Variants in CAMKK2 observed in about 807,000 individuals in gnomAD.
The protein encoded by CAMKK2 is calcium/calmodulin-dependent protein kinase kinase 2.
In CAMKK2, 30 loss-of-function variants were observed where a neutral mutation model predicts 67.2. The observed-to-expected ratio is 0.45, with a 90% CI of 0.33 to 0.61. The LOEUF (loss-of-function observed/expected upper bound fraction) is 0.61. CAMKK2 is among the 20% of genes least tolerant of loss of function. The pLI, the probability that CAMKK2 is intolerant of heterozygous loss-of-function variation, is 0.02. For missense variants in CAMKK2, 643 were observed against 802.0 expected (o/e 0.80, Z 2.39); for synonymous variants, 322 against 326.2 (o/e 0.99, Z 0.14).
chr12:121,292,608 A>G (rs1566153003), intron 1 of CAMKK2, among the ~76,000 whole-genome samples: 1 of 152,180 alleles, frequency 6.6e-6, no homozygotes, highest in Non-Finnish European at 1.5e-5. Flanking sequence ...GCCGGCCTGA[A>G]CCCCATATCC....
In CAMKK2 at chr12:121,293,013, C is replaced by T. The variant is rs528151168; in HGVS notation, c.-60+3625G>A. 4.0e-5 allele frequency among the ~76,000 whole-genome samples: 6 copies of T among 149,538 alleles called. No homozygotes were observed. The East Asian group carries it at 6.0e-4, about 15-fold the overall frequency. ...AAAAAAAGCTGGGCGCCGTGGCTCA[C>T]GCCTGTAATCCCAGCACTTTGGGAG... is the stretch of plus-strand genomic sequence containing the variant. On this transcript the variant is annotated intron_variant, in intron 1 of 16. Coordinates refer to ENST00000404169, the MANE Select transcript of CAMKK2 (RefSeq NM_001270485.2).
intron 9 of CAMKK2, among the ~76,000 whole-genome samples, chr12:121,255,304 TTATATATAATTTTA>T (rs1891881032): frequency 6.7e-4 from 4 of 5,996 alleles, no homozygotes; most frequent in African/African-American, 1.9e-3. Flanking sequence ...ATATATAATT[TTATATATAATTTTA>T]TATATATATA....
intron 1 of CAMKK2, among the ~76,000 whole-genome samples, chr12:121,295,056 G>A (rs1900863949): frequency 6.6e-6 from 1 of 152,136 alleles, no homozygotes; most frequent in African/African-American, 2.4e-5. Flanking sequence ...TGTAATCCCA[G>A]CTACTGGAGA....
Position 121,255,280 on chromosome 12 carries a change from A to ATATATATAATTTTATATATATATAATTT in CAMKK2, c.907+269_907+270insAAATTATATATATATAAAATTATATATA, listed in dbSNP as rs1566058774. Among the ~76,000 whole-genome samples the ATATATATAATTTTATATATATATAATTT allele has an allele frequency of 2.7e-4, 16 of 58,972 alleles. 2 individuals carry two copies. Among genetic ancestry groups the ATATATATAATTTTATATATATATAATTT allele is most frequent in the African/African-American group, 1.5e-3 (16 of 10,704 alleles). 38.7% of individuals were successfully genotyped at this position (58,972 alleles called of 152,430 possible). A position where few individuals can be genotyped will look rare whatever the true frequency, so the allele number is the denominator to read the frequency against. ...TATATAATTTTATATATATATAATTATATATATAATTATATATATAATTTT... is the reference window on the plus strand; with the variant it reads ...TATATAATTTTATATATATATAATTATATATATAATTTTATATATATATAATTTTATATATAATTATATATATAATTTT... On this transcript the variant is annotated intron_variant, in intron 9 of 16. Transcript: ENST00000404169.
At chr12:121,264,379 G>A (rs1283208835) in intron 5 of CAMKK2, among the ~76,000 whole-genome samples, 1 of 152,242 alleles carries the variant, frequency 6.6e-6, no homozygotes, top group African/African-American at 2.4e-5. Flanking sequence ...GCTCATGCCT[G>A]TGATCCCAGC....
In CAMKK2 at chr12:121,245,908, T is replaced by C. The variant is rs1045157440; in HGVS notation, c.1453-668A>G. Among the ~76,000 whole-genome samples the C allele has an allele frequency of 3.9e-5, 6 of 152,318 alleles. No homozygotes were observed. Among genetic ancestry groups the C allele is most frequent in the Admixed American group, 1.3e-4 (2 of 15,302 alleles). ...AACTCAAAGCGGTCTGTCTGTGCAA[T>C]GGAACATGATTCAGCCATAAGGAGT... On this transcript the variant is annotated intron_variant, in intron 14 of 16. Coordinates refer to ENST00000404169, the MANE Select transcript of CAMKK2 (RefSeq NM_001270485.2). This position sits in a 1 kb window ranked among gnomAD's most constrained non-coding sequence, Gnocchi z 5.8.
At position 121,255,268 on chromosome 12, in the gene CAMKK2, A is replaced by ATATATAAT. The variant is rs1891784347; in HGVS notation, c.907+281_907+282insATTATATA. On this transcript the variant is annotated intron_variant, in intron 9 of 16. Transcript: ENST00000404169. ...TATATAATTATATATATAATTTTAT[A>ATATATAAT]TATATATAATTATATATATAATTAT... Among the ~76,000 whole-genome samples the ATATATAAT allele has an allele frequency of 2.6e-4, 18 of 70,560 alleles. 2 individuals are homozygous for ATATATAAT. The highest frequency in any genetic ancestry group is 1.2e-3 in the African/African-American group (18 of 15,540). The allele number at this position is 70,560 out of a possible 152,430, so 46.3% of individuals were successfully genotyped here. A position where few individuals can be genotyped will look rare whatever the true frequency, so the allele number is the denominator to read the frequency against.
Position 121,241,195 on chromosome 12 carries a change from C to T in CAMKK2, c.1597-326G>A, listed in dbSNP as rs772917363. Among the ~76,000 whole-genome samples the T allele has an allele frequency of 6.6e-5, 10 of 152,314 alleles. No homozygotes were observed. In the East Asian group the frequency reaches 1.5e-3, roughly 24 times the overall value. ...CAAGTAGAAGGCACCCCCCACCCCA[C>T]GGCGCCTGTCATACCAGGTTTTTAG... On this transcript the variant is annotated intron_variant, in intron 16 of 16. Coordinates refer to ENST00000404169, the MANE Select transcript of CAMKK2 (RefSeq NM_001270485.2).
chr12:121,246,404 G>A (rs995534825), intron 14 of CAMKK2, among the ~76,000 whole-genome samples: 1 of 151,850 alleles, frequency 6.6e-6, no homozygotes, highest in African/African-American at 2.4e-5. Context: ...AAATTAGCTG[G>A]GCATGGTGGT....
chr12:121,269,582 C>A lies in CAMKK2; in HGVS notation c.520-1G>T. 1 of 1,605,600 alleles carries A rather than the reference C, an allele frequency of 6.2e-7. No homozygotes were observed. ...CCAACTTGACGACACCATAGGAGCCCTGGATAAAGGGAGATGCCCATGACA... is the reference window on the plus strand; with the variant it reads ...CCAACTTGACGACACCATAGGAGCCATGGATAAAGGGAGATGCCCATGACA... On this transcript the variant is annotated splice_acceptor_variant, in intron 3 of 16. Coordinates refer to ENST00000404169, the MANE Select transcript of CAMKK2 (RefSeq NM_001270485.2). LOFTEE classifies it high-confidence loss of function.
In CAMKK2 at chr12:121,274,275, G is replaced by T; in HGVS notation, c.252C>A (p.Asp84Glu). The T allele has an allele frequency of 6.2e-7, 1 of 1,612,288 alleles. No homozygotes were observed. Residue 84 changes from aspartate (D) to glutamate (E), a missense_variant, in exon 2 of 17, where the codon GAC (aspartate) becomes GAA (glutamate). By Grantham distance (45) the Asp-to-Glu change is conservative. Coordinates refer to ENST00000404169, the MANE Select transcript of CAMKK2 (RefSeq NM_001270485.2). The stretch of plus-strand genomic sequence containing the variant: ...GGGGCCGGGCCTGGGACCCGGAGGT[G>T]TCAAGGGGGACCTCTTGGCCATCGG... Reference protein sequence around the residue: ...LEADGQEVPLDTSGSQARPHL... With the variant: ...LEADGQEVPLETSGSQARPHL...
chr12:121,288,364 C>G (rs906838204), intron 1 of CAMKK2, among the ~76,000 whole-genome samples: 3 of 152,192 alleles, frequency 2.0e-5, no homozygotes, highest in African/African-American at 7.2e-5. Context: ...CATGCTAAAT[C>G]TAGCTGCAAG....
chr12:121,262,798 G>A (rs985144904), intron 6 of CAMKK2, among the ~76,000 whole-genome samples: 5 of 152,076 alleles, frequency 3.3e-5, no homozygotes, highest in African/African-American at 1.2e-4. Flanking sequence ...GTCCTCAGGT[G>A]ATCCTCCCAC....
intron 7 of CAMKK2, among the ~76,000 whole-genome samples, chr12:121,256,897 T>G (rs1892399713): frequency 6.6e-6 from 1 of 152,182 alleles, no homozygotes; most frequent in Non-Finnish European, 1.5e-5. Flanking sequence ...TGTGTGGATA[T>G]CTGTTTTTGG....
chr12:121,244,489 T>C (rs1889014155), intron 16 of CAMKK2, 84 bp downstream of exon 16: 3 of 1,298,322 alleles, frequency 2.3e-6, no homozygotes, highest in East Asian at 2.5e-5. Flanking sequence ...TCTGCCCGGG[T>C]GGGGATGCCC....
chr12:121,271,135 C>T (rs1196339866), intron 2 of CAMKK2, among the ~76,000 whole-genome samples, 190 bp from the exon 3 acceptor site: 1 of 151,736 alleles, frequency 6.6e-6, no homozygotes, highest in East Asian at 1.9e-4. Context: ...ATTAGCCAGG[C>T]GTGGTGGTGG....
chr12:121,246,659 T>C (rs1889535957), intron 14 of CAMKK2, among the ~76,000 whole-genome samples: 1 of 152,086 alleles, frequency 6.6e-6, no homozygotes, highest in Non-Finnish European at 1.5e-5. Flanking sequence ...ACTCCCCAGG[T>C]GAGCCCACCC....
At chr12:121,273,876 C>T (rs1276689150) in intron 2 of CAMKK2, among the ~76,000 whole-genome samples, 180 bp downstream of exon 2, 1 of 152,028 alleles carries the variant, frequency 6.6e-6, no homozygotes, top group South Asian at 2.1e-4. Context: ...TGCTGATTCA[C>T]GACCCCCCTA....
chr12:121,279,662 T>C (rs1449192080), intron 1 of CAMKK2, among the ~76,000 whole-genome samples: 1 of 152,148 alleles, frequency 6.6e-6, no homozygotes, highest in Non-Finnish European at 1.5e-5. Flanking sequence ...CAAAGTTGCT[T>C]GGATTTGACA....
Sources: gnomAD v4.1 joint callset for allele counts (sites outside exome capture counted in the v4.1 genomes callset) on GRCh38, gnomAD v4.1.1 for gene constraint, Gnocchi (gnomAD v3.1) non-coding constraint, MANE v1.5 for transcripts, NCBI Gene and HGNC (gene_info 2026-07-23, HGNC 2026-07-21) for gene names.